The following FRMPD2 variants were observed in gnomAD, a reference collection of about 807,000 sequenced individuals.
FRMPD2 encodes the protein FERM and PDZ domain containing 2, also known as FERM and PDZ domain-containing protein 2.
A neutral mutation model predicts 140.1 loss-of-function variants in FRMPD2; 96 were observed. The observed-to-expected ratio is 0.69, with a 90% CI of 0.58 to 0.81. The LOEUF (loss-of-function observed/expected upper bound fraction) is 0.81. Ranked by LOEUF, FRMPD2 falls within the 40% of genes least tolerant of loss-of-function variation. The pLI, the probability that FRMPD2 is intolerant of heterozygous loss-of-function variation, is 0.00. For synonymous variants in FRMPD2, 449 were observed against 547.6 expected (o/e 0.82, Z 2.52); for missense variants, 1,240 against 1,447.4 (o/e 0.86, Z 2.32).
intron 1 of FRMPD2, among the ~76,000 whole-genome samples, chr10:48,261,967 T>A (rs928638182): frequency 6.6e-6 from 1 of 152,090 alleles, no homozygotes; most frequent in Non-Finnish European, 1.5e-5. Flanking sequence ...AAAAGAAGTA[T>A]AACTTACATG....
In FRMPD2 at chr10:48,252,552, A is replaced by C. The variant is rs375386189; in HGVS notation, c.26-861T>G. Among the ~76,000 whole-genome samples the C allele has an allele frequency of 3.3e-4, 50 of 152,174 alleles. No individual in the cohort carries two copies. In the East Asian group the frequency reaches 8.5e-3, roughly 26 times the overall value. ...AGGCACCCCCATCCCCCATTGACACACTAATCCAAGATCTACTCCCCAGCT... is the reference window on the plus strand; with the variant it reads ...AGGCACCCCCATCCCCCATTGACACCCTAATCCAAGATCTACTCCCCAGCT... On this transcript the variant is annotated intron_variant, in intron 1 of 28. Coordinates refer to ENST00000374201, the MANE Select transcript of FRMPD2 (RefSeq NM_001018071.4).
rs375509717 is a variant in FRMPD2, at chr10:48,242,155, A to G, written c.567+6T>C. The G allele has an allele frequency of 6.2e-7, 1 of 1,607,128 alleles. No individual in the cohort carries two copies. Among genetic ancestry groups the G allele is most frequent in the Non-Finnish European group, 8.5e-7 (1 of 1,175,730 alleles). The stretch of plus-strand genomic sequence containing the variant: ...TACTGCTTGAAAAGCACGGTTCTCT[A>G]CTGACCTCAGAAATGGTACCCAGAA... On this transcript the variant is annotated splice_donor_region_variant and intron_variant, in intron 5 of 28. Coordinates refer to ENST00000374201, the MANE Select transcript of FRMPD2 (RefSeq NM_001018071.4).
chr10:48,230,211 T>C (rs1839819291), intron 10 of FRMPD2, among the ~76,000 whole-genome samples: 3 of 152,148 alleles, frequency 2.0e-5, no homozygotes, highest in African/African-American at 4.8e-5. Flanking sequence ...AATATTTGCT[T>C]TTTCTCCTTT....
At chr10:48,223,406 G>A (rs536054158) in intron 10 of FRMPD2, 136 bp from the exon 11 acceptor site, 106 of 690,120 alleles carry the variant, frequency 1.5e-4, no homozygotes, top group African/African-American at 1.5e-3. Flanking sequence ...AAGTCTTTGC[G>A]TACCTGGTAG....
At chr10:48,265,705 A>G (rs1379931247) in intron 1 of FRMPD2, among the ~76,000 whole-genome samples, 1 of 151,608 alleles carries the variant, frequency 6.6e-6, no homozygotes, top group Non-Finnish European at 1.5e-5. Context: ...ATTAATAAAA[A>G]GAAAAAATAA....
intron 16 of FRMPD2, among the ~76,000 whole-genome samples, chr10:48,191,502 G>A (rs886680025): frequency 3.3e-5 from 5 of 152,136 alleles, no homozygotes; most frequent in Admixed American, 1.3e-4. Flanking sequence ...GCTCGAAACC[G>A]TTTTGCCTTA....
intron 13 of FRMPD2, among the ~76,000 whole-genome samples, chr10:48,209,391 G>C (rs1341315460): frequency 2.0e-5 from 3 of 152,206 alleles, no homozygotes; most frequent in Non-Finnish European, 4.4e-5. Context: ...TCTACAGACA[G>C]ACTATGGTAT....
intron 1 of FRMPD2, among the ~76,000 whole-genome samples, chr10:48,262,587 A>G (rs1165192389): frequency 1.3e-5 from 2 of 152,176 alleles, no homozygotes; most frequent in African/African-American, 4.8e-5. Flanking sequence ...CAGATCCAGC[A>G]GACAGAAAAT....
chr10:48,183,679 C>T (rs1335465227), intron 20 of FRMPD2, among the ~76,000 whole-genome samples: 4 of 151,530 alleles, frequency 2.6e-5, no homozygotes, highest in Admixed American at 2.0e-4. Flanking sequence ...ATTGAAACCC[C>T]GTCTCTACTA....
rs1208563961 is a variant in FRMPD2 at position 48,232,224 on chromosome 10, G to A, written c.1059C>T (p.His353=). Residue 353 remains histidine (H), a synonymous_variant, in exon 10 of 29, where the codon CAC becomes CAT. Coordinates refer to ENST00000374201, the MANE Select transcript of FRMPD2 (RefSeq NM_001018071.4). ...ATTCAACATCACATTTTACCTCCAG[G>A]TGCTGCCCGTTCAGCAGGACCACAC... ...DLCVVLLNGQ[H]LEVKCDVEST... 5 of 1,614,110 alleles carry A rather than the reference G, an allele frequency of 3.1e-6. No homozygotes were observed. The highest frequency in any genetic ancestry group is 4.2e-6 in the Non-Finnish European group (5 of 1,179,986).
At chr10:48,222,529 T>C (rs1325806602) in intron 11 of FRMPD2, 78 bp from the exon 12 acceptor site, 1 of 1,492,406 alleles carries the variant, frequency 6.7e-7, no homozygotes, top group African/African-American at 1.4e-5. Context: ...GTTTTCTCAG[T>C]GTGGGAAGTT....
intron 1 of FRMPD2, among the ~76,000 whole-genome samples, chr10:48,263,713 A>G (rs1840635311): frequency 6.6e-6 from 1 of 152,142 alleles, no homozygotes; most frequent in African/African-American, 2.4e-5. Context: ...AAGTCTACCA[A>G]ACATTTAAGG....
intron 27 of FRMPD2, among the ~76,000 whole-genome samples, chr10:48,164,190 G>A (rs1838030965): frequency 6.6e-6 from 1 of 150,408 alleles, no homozygotes; most frequent in African/African-American, 2.5e-5. Flanking sequence ...TGCTGCCACT[G>A]CTTGACCTTC....
intron 1 of FRMPD2, among the ~76,000 whole-genome samples, chr10:48,258,264 AG>A (rs1168195210): frequency 6.6e-6 from 1 of 152,220 alleles, no homozygotes; most frequent in African/African-American, 2.4e-5. Flanking sequence ...GCTAGGCCCT[AG>A]TTAAAGAGTT....
intron 12 of FRMPD2, among the ~76,000 whole-genome samples, chr10:48,220,087 G>A (rs1309091623): frequency 6.6e-6 from 1 of 152,136 alleles, no homozygotes; most frequent in African/African-American, 2.4e-5. Context: ...TAAATGCCAG[G>A]TACATAGTGA....
intron 13 of FRMPD2, among the ~76,000 whole-genome samples, chr10:48,208,363 G>A (rs989593534): frequency 2.0e-5 from 3 of 152,066 alleles, no homozygotes; most frequent in East Asian, 1.9e-4. Flanking sequence ...AGAGAGATAC[G>A]ATGCTTTTCA....
chr10:48,258,781 T>C (rs1469947594), intron 1 of FRMPD2, among the ~76,000 whole-genome samples: 1 of 152,248 alleles, frequency 6.6e-6, no homozygotes, highest in Non-Finnish European at 1.5e-5. Flanking sequence ...AGTTTTTTCA[T>C]TTAAATGCAT....
At chr10:48,274,041 T>C (rs930146803) in intron 1 of FRMPD2, among the ~76,000 whole-genome samples, 2 of 152,228 alleles carry the variant, frequency 1.3e-5, no homozygotes, top group Non-Finnish European at 2.9e-5. Context: ...AAACCACTGA[T>C]ACTCTTTAAG....
At chr10:48,262,683 A>C (rs1328845671) in intron 1 of FRMPD2, among the ~76,000 whole-genome samples, 1 of 152,180 alleles carries the variant, frequency 6.6e-6, no homozygotes, top group Non-Finnish European at 1.5e-5. Flanking sequence ...ACAACAACAG[A>C]ATGCATATTC....
Sources: gnomAD v4.1 joint callset for allele counts (sites outside exome capture counted in the v4.1 genomes callset) on GRCh38, gnomAD v4.1.1 for gene constraint, MANE v1.5 for transcripts, NCBI Gene and HGNC (gene_info 2026-07-23, HGNC 2026-07-21) for gene names.